The following PROS1 variants were observed in gnomAD, a reference collection of about 807,000 sequenced individuals.
PROS1 encodes vitamin K-dependent protein S.
In PROS1, 29 loss-of-function variants were observed where a neutral mutation model predicts 75.9. The ratio of observed to expected loss-of-function variants is 0.38; its 90% CI spans 0.28 to 0.52. The LOEUF (loss-of-function observed/expected upper bound fraction) is 0.52. Among genes scored for constraint, PROS1 ranks in the 20% least tolerant of loss-of-function variants. PROS1 has a pLI of 0.83. For synonymous variants in PROS1, 245 were observed against 280.6 expected (o/e 0.87, Z 1.27); for missense variants, 680 against 810.3 (o/e 0.84, Z 1.95).
At chr3:93,933,206 A>G (rs994903838) in intron 1 of PROS1, among the ~76,000 whole-genome samples, 5 of 152,240 alleles carry the variant, frequency 3.3e-5, no homozygotes, top group African/African-American at 9.6e-5. Flanking sequence ...ACAAATATAG[A>G]GAACCACCAG....
chr3:93,930,176 C>G (rs542987518), intron 1 of PROS1, among the ~76,000 whole-genome samples: 1 of 152,116 alleles, frequency 6.6e-6, no homozygotes, highest in Admixed American at 6.5e-5. Flanking sequence ...TTATCATGCT[C>G]ATTAAAATAG....
At position 93,877,105 on chromosome 3, in the gene PROS1, A is replaced by T; in HGVS notation, c.1731T>A (p.Phe577Leu). The T allele has an allele frequency of 6.2e-7, 1 of 1,612,878 alleles. No homozygotes were observed. Among genetic ancestry groups the T allele is most frequent in the Non-Finnish European group, 8.5e-7 (1 of 1,178,942 alleles). Residue 577 changes from phenylalanine (F) to leucine (L), a missense_variant, in exon 14 of 15, where the codon TTT becomes TTA. By Grantham distance (22) the Phe-to-Leu change is conservative (BLOSUM62 0). Coordinates refer to ENST00000394236, the MANE Select transcript of PROS1 (RefSeq NM_000313.4). ...LCSDQQSHLE[F>L]RVNRNNLELS... The stretch of plus-strand genomic sequence containing the variant: ...ACTCCAGATTGTTTCTGTTGACTCT[A>T]AATTCCAGATGAGATTGTTGATCGG...
chr3:93,952,314 C>G (rs1402559980), intron 1 of PROS1, among the ~76,000 whole-genome samples: 1 of 152,116 alleles, frequency 6.6e-6, no homozygotes, highest in Non-Finnish European at 1.5e-5. Flanking sequence ...CCAAAATTGA[C>G]CACATAGTTG....
At position 93,886,625 on chromosome 3, in the gene PROS1, G is replaced by A. The variant is rs193271346; in HGVS notation, c.1156-122C>T. 3.5e-4 allele frequency: 271 copies of A among 772,552 alleles called. No homozygotes were observed. The African/African-American group carries it at 4.2e-3, about 12-fold the overall frequency. 47.9% of individuals were successfully genotyped at this position (772,552 alleles called of 1,614,324 possible). On this transcript the variant is annotated intron_variant, in intron 10 of 14. Transcript: ENST00000394236. ...ACTTCTGTAAAGTAATCATTTTAAT[G>A]TAATTATTAATTTGTTACAACTCAT...
intron 1 of PROS1, among the ~76,000 whole-genome samples, chr3:93,956,563 AACACACACACACAC>A (rs35328809): frequency 2.3e-5 from 3 of 128,306 alleles, no homozygotes; most frequent in African/African-American, 8.6e-5. Flanking sequence ...CACACACACA[AACACACACACACAC>A]ACACACACAC....
chr3:93,957,465 T>C (rs1456352646), intron 1 of PROS1, among the ~76,000 whole-genome samples: 1 of 152,164 alleles, frequency 6.6e-6, no homozygotes, highest in Non-Finnish European at 1.5e-5. Flanking sequence ...GCTAGCAGTG[T>C]AAGCCAGGGA....
intron 1 of PROS1, among the ~76,000 whole-genome samples, chr3:93,957,966 T>C (rs1004792656): frequency 7.2e-5 from 11 of 152,170 alleles, no homozygotes; most frequent in African/African-American, 2.4e-4. Context: ...TGCATGCCTG[T>C]AGTCCCAGCT....
At position 93,874,220 on chromosome 3, in the gene PROS1, G is replaced by T. The variant is rs771423259; in HGVS notation, c.*25C>A. The T allele has an allele frequency of 2.6e-5, 42 of 1,611,568 alleles. No individual in the cohort carries two copies. Among genetic ancestry groups the T allele is most frequent in the Non-Finnish European group, 3.6e-5 (42 of 1,178,008 alleles). The stretch of plus-strand genomic sequence containing the variant: ...AAGTATAATTACACACAAGGAAAAG[G>T]TATTATAAGCAGAGAAAAGATGCCT... On this transcript the variant is annotated 3_prime_UTR_variant, in exon 15 of 15. Transcript: ENST00000394236.
At chr3:93,883,810 C>T (rs893255504) in intron 12 of PROS1, among the ~76,000 whole-genome samples, 4 of 151,874 alleles carry the variant, frequency 2.6e-5, no homozygotes, top group South Asian at 2.1e-4. Flanking sequence ...ATTAGCCGGG[C>T]GTGGTGGCGG....
intron 3 of PROS1, among the ~76,000 whole-genome samples, chr3:93,916,124 C>T (rs1378003028): frequency 6.6e-6 from 1 of 152,032 alleles, no homozygotes; most frequent in Non-Finnish European, 1.5e-5. Flanking sequence ...GGTAGTAAGG[C>T]AAAAGGGTAC....
At chr3:93,938,109 T>C (rs1423210902) in intron 1 of PROS1, among the ~76,000 whole-genome samples, 2 of 152,188 alleles carry the variant, frequency 1.3e-5, no homozygotes, top group African/African-American at 4.8e-5. Context: ...CCTGCACATA[T>C]AGATCCAGAT....
chr3:93,967,240 C>G (rs150960056), intron 1 of PROS1, among the ~76,000 whole-genome samples: 1 of 152,100 alleles, frequency 6.6e-6, no homozygotes, highest in African/African-American at 2.4e-5. Flanking sequence ...TCAGATTATC[C>G]GGTAGATTGT....
intron 1 of PROS1, among the ~76,000 whole-genome samples, chr3:93,941,178 A>T (rs1709282052): frequency 6.7e-6 from 1 of 150,070 alleles, no homozygotes; most frequent in Admixed American, 6.6e-5. Flanking sequence ...CTTTCTTTCC[A>T]CTCCTCCACT....
Position 93,891,500 on chromosome 3 carries a change from T to C in PROS1, c.1155+1433A>G, listed in dbSNP as rs1264039902. On this transcript the variant is annotated intron_variant, in intron 10 of 14. Transcript: ENST00000394236. ...TGGAGTGCAGTGGCGTGATCTCGGC[T>C]CACTGCAACCTCCGCCTCCTGGGTT... is the stretch of plus-strand genomic sequence containing the variant. 2.0e-5 allele frequency among the ~76,000 whole-genome samples: 3 copies of C among 152,198 alleles called. No homozygotes were observed. In the East Asian group the frequency reaches 5.8e-4, roughly 29 times the overall value.
intron 4 of PROS1, among the ~76,000 whole-genome samples, chr3:93,909,711 CAT>C (rs1056130716): frequency 1.3e-5 from 2 of 152,178 alleles, no homozygotes; most frequent in East Asian, 1.9e-4. Flanking sequence ...TATCTCTTTG[CAT>C]ATGTTAGCCA....
At chr3:93,895,438 G>A (rs973107497) in intron 9 of PROS1, among the ~76,000 whole-genome samples, 2 of 152,242 alleles carry the variant, frequency 1.3e-5, no homozygotes, top group Non-Finnish European at 2.9e-5. Context: ...TGTGGAAGGA[G>A]CACTGTTACT....
intron 3 of PROS1, among the ~76,000 whole-genome samples, chr3:93,920,913 T>G (rs1170218952): frequency 6.6e-6 from 1 of 152,194 alleles, no homozygotes; most frequent in Admixed American, 6.5e-5. Flanking sequence ...TGTGAAAATT[T>G]GGAAGATTAA....
intron 3 of PROS1, among the ~76,000 whole-genome samples, chr3:93,917,376 C>T (rs1337851989): frequency 3.3e-5 from 5 of 152,166 alleles, no homozygotes; most frequent in Admixed American, 2.6e-4. Flanking sequence ...CTTGGCTCAC[C>T]GCAACCTCCA....
At chr3:93,886,635 A>G in intron 10 of PROS1, 132 bp from the exon 11 acceptor site, 2 of 740,344 alleles carry the variant, frequency 2.7e-6, no homozygotes, top group South Asian at 1.8e-5. Flanking sequence ...GTAATTATTA[A>G]TTTGTTACAA....
Sources: gnomAD v4.1 joint callset for allele counts (sites outside exome capture counted in the v4.1 genomes callset) on GRCh38, gnomAD v4.1.1 for gene constraint, MANE v1.5 for transcripts, NCBI Gene and HGNC (gene_info 2026-07-23, HGNC 2026-07-21) for gene names.